CD8B: variants seen among roughly 807,000 people sequenced by gnomAD.
CD8B encodes the protein CD8 subunit beta, also known as T-cell surface glycoprotein CD8 beta chain.
Under a neutral mutation model 24.2 loss-of-function variants are expected in CD8B, and 6 were observed. The ratio of observed to expected loss-of-function variants is 0.25; its 90% CI spans 0.14 to 0.49. The LOEUF (loss-of-function observed/expected upper bound fraction) is 0.49, where lower values mean the gene tolerates loss of function less well. Among genes scored for constraint, CD8B ranks in the 20% least tolerant of loss-of-function variants. The pLI is 0.98. For missense variants in CD8B, 196 were observed against 271.3 expected, an observed-to-expected ratio of 0.72 and a Z score of 1.95; for synonymous variants, 84 against 108.3, an observed-to-expected ratio of 0.78 and a Z score of 1.39.
chr2:86,829,916 G>GT (rs1365466556), intron 5 of CD8B, among the ~76,000 whole-genome samples: 8 of 152,088 alleles, frequency 5.3e-5, no homozygotes, highest in African/African-American at 1.9e-4. Context: ...AATATCTAAC[G>GT]TTTGATAATC....
chr2:86,840,715 TTTTGTTCAGTTC>T lies in CD8B; in HGVS notation c.*1580_*1591del, dbSNP rs1442578453. ...TTTTATTCCTTTATTACTTTGTATG[TTTTGTTCAGTTC>T]TTTGTTCAAAATGCCAAGGACCTGG... On this transcript the variant is annotated 3_prime_UTR_variant, in exon 6 of 6. Coordinates refer to ENST00000390655, the MANE Select transcript of CD8B (RefSeq NM_004931.5). Among the ~76,000 whole-genome samples, 3 of 152,192 alleles carry T rather than the reference TTTTGTTCAGTTC, an allele frequency of 2.0e-5. No individual in the cohort carries two copies. The highest frequency in any genetic ancestry group is 7.2e-5 in the African/African-American group (3 of 41,444).
intron 5 of CD8B, 123 bp from the exon 6 acceptor site, chr2:86,842,442 G>A (rs1218773508): frequency 1.4e-5 from 18 of 1,303,760 alleles, no homozygotes; most frequent in Non-Finnish European, 1.8e-5. Context: ...GGGGCCGAGA[G>A]TTTTTTGTTA....
chr2:86,833,022 C>G (rs1191477698), intron 5 of CD8B: 7 of 389,314 alleles, frequency 1.8e-5, no homozygotes, highest in African/African-American at 1.3e-4. Context: ...TCCCTCTTTC[C>G]CCTCCACCCT....
intron 5 of CD8B, among the ~76,000 whole-genome samples, chr2:86,819,159 A>T (rs915814263): frequency 1.7e-4 from 26 of 152,240 alleles, no homozygotes; most frequent in Admixed American, 5.2e-4. Flanking sequence ...TTAAGGGAAG[A>T]TACCATCTCC....
intron 5 of CD8B, among the ~76,000 whole-genome samples, chr2:86,825,597 A>C (rs921768759): frequency 6.6e-6 from 1 of 152,154 alleles, no homozygotes; most frequent in African/African-American, 2.4e-5. Context: ...GTGGGAAAAG[A>C]CTGAGCCAGG....
At position 86,841,364 on chromosome 2, in the gene CD8B, T is replaced by C. The variant is rs1170623804; in HGVS notation, c.*943A>G. On this transcript the variant is annotated 3_prime_UTR_variant, in exon 6 of 6. Coordinates refer to ENST00000390655, the MANE Select transcript of CD8B (RefSeq NM_004931.5). ...AACACGTGCTAGTTCAGCTTGGGAG[T>C]GGGCTGGGAGAGGGGCCTGAGGCAC... is the stretch of plus-strand genomic sequence containing the variant. Among the ~76,000 whole-genome samples the C allele has an allele frequency of 6.7e-6, 1 of 149,680 alleles. No homozygotes were observed. The highest frequency in any genetic ancestry group is 6.7e-5 in the Admixed American group (1 of 14,904).
At chr2:86,832,164 T>G (rs1674927125) in intron 5 of CD8B, among the ~76,000 whole-genome samples, 1 of 152,122 alleles carries the variant, frequency 6.6e-6, no homozygotes, top group Non-Finnish European at 1.5e-5. Flanking sequence ...TAAATTACCT[T>G]GAGTGATTAT....
intron 5 of CD8B, among the ~76,000 whole-genome samples, chr2:86,816,532 G>T (rs115431737): frequency 6.6e-6 from 1 of 152,168 alleles, no homozygotes; most frequent in Admixed American, 6.5e-5. Flanking sequence ...ATAAACTCTA[G>T]TAATTTAAAC....
At chr2:86,850,949 A>G (rs1243994443) in intron 3 of CD8B, among the ~76,000 whole-genome samples, 2 of 151,998 alleles carry the variant, frequency 1.3e-5, no homozygotes, top group Non-Finnish European at 2.9e-5. Flanking sequence ...AAATTAGCCA[A>G]GCGTGGTGGT....
intron 2 of CD8B, among the ~76,000 whole-genome samples, chr2:86,855,673 G>T (rs540000848): frequency 6.6e-6 from 1 of 152,212 alleles, no homozygotes; most frequent in East Asian, 1.9e-4. Flanking sequence ...GTCGGAGAGC[G>T]TGCAACGAGC....
At chr2:86,856,803 C>T (rs1457488442) in intron 2 of CD8B, among the ~76,000 whole-genome samples, 2 of 148,854 alleles carry the variant, frequency 1.3e-5, no homozygotes, top group East Asian at 4.0e-4. Context: ...TCGAGATGAG[C>T]CATATGTTTT....
intron 5 of CD8B, among the ~76,000 whole-genome samples, chr2:86,818,162 C>A (rs548303605): frequency 1.3e-5 from 2 of 152,122 alleles, no homozygotes; most frequent in South Asian, 4.2e-4. Context: ...TGAGCCGAGA[C>A]TGTACCACTG....
chr2:86,832,284 G>C (rs1674931028), intron 5 of CD8B, among the ~76,000 whole-genome samples: 1 of 152,128 alleles, frequency 6.6e-6, no homozygotes, highest in Non-Finnish European at 1.5e-5. Context: ...TTCAAGACCA[G>C]CCTGGCCAAC....
chr2:86,817,931 T>C (rs1674319952), intron 5 of CD8B, among the ~76,000 whole-genome samples: 2 of 152,206 alleles, frequency 1.3e-5, no homozygotes, highest in Non-Finnish European at 2.9e-5. Flanking sequence ...ATTCACTGGC[T>C]GGGTGCAGTG....
chr2:86,832,491 A>C (rs901562076), intron 5 of CD8B, among the ~76,000 whole-genome samples: 9 of 152,070 alleles, frequency 5.9e-5, no homozygotes, highest in Admixed American at 3.3e-4. Flanking sequence ...AAATTAAAAA[A>C]AAAAAAAGAG....
chr2:86,841,344 G>A lies in CD8B; in HGVS notation c.*963C>T, dbSNP rs571129464. The stretch of plus-strand genomic sequence containing the variant: ...TTCAACCCGCGGTAGAAATGAACAC[G>A]TGCTAGTTCAGCTTGGGAGTGGGCT... On this transcript the variant is annotated 3_prime_UTR_variant, in exon 6 of 6. Coordinates refer to ENST00000390655, the MANE Select transcript of CD8B (RefSeq NM_004931.5). Among the ~76,000 whole-genome samples, 2 of 149,860 alleles carry A rather than the reference G, an allele frequency of 1.3e-5. No individual in the cohort carries two copies. Among genetic ancestry groups the A allele is most frequent in the African/African-American group, 2.5e-5 (1 of 40,664 alleles).
chr2:86,830,641 A>G (rs1019052853), intron 5 of CD8B, among the ~76,000 whole-genome samples: 1 of 152,072 alleles, frequency 6.6e-6, no homozygotes, highest in Admixed American at 6.6e-5. Flanking sequence ...TATTCATAGA[A>G]GTGAAATTGC....
At chr2:86,827,288 G>GA (rs2104508044) in intron 5 of CD8B, among the ~76,000 whole-genome samples, 1 of 152,018 alleles carries the variant, frequency 6.6e-6, no homozygotes, top group East Asian at 1.9e-4. Flanking sequence ...AACATGAATT[G>GA]GCTTGCCCTG....
chr2:86,837,107 T>C (rs561054485), downstream of CD8B, among the ~76,000 whole-genome samples: 6 of 152,296 alleles, frequency 3.9e-5, no homozygotes, highest in South Asian at 1.0e-3. Flanking sequence ...CAGTGAGCTA[T>C]AAGTGCGCCA....
Sources: gnomAD v4.1 joint callset for allele counts (sites outside exome capture counted in the v4.1 genomes callset) on GRCh38, gnomAD v4.1.1 for gene constraint, MANE v1.5 for transcripts, NCBI Gene and HGNC (gene_info 2026-07-23, HGNC 2026-07-21) for gene names.